BRSK1: variants seen among roughly 807,000 people sequenced by gnomAD.
The protein encoded by BRSK1 is BR serine/threonine kinase 1.
Under a neutral mutation model 86.2 loss-of-function variants are expected in BRSK1, and 17 were observed. That is an observed-to-expected ratio of 0.20 (90% CI 0.14 to 0.30). The LOEUF is 0.30. Among genes scored for constraint, BRSK1 ranks in the 10% least tolerant of loss-of-function variants. The probability of loss-of-function intolerance (pLI) is 1.00; values close to 1 mark genes in which losing one functional copy is unlikely to be tolerated. For missense variants in BRSK1, 719 were observed against 1,071.9 expected, an observed-to-expected ratio of 0.67 and a Z score of 4.60; for synonymous variants, 464 against 440.1, an observed-to-expected ratio of 1.05 and a Z score of -0.68.
chr19:55,306,583 C>T lies in BRSK1; in HGVS notation c.2089+133C>T. 1 of 1,016,164 alleles carries T rather than the reference C, an allele frequency of 9.8e-7. No individual in the cohort carries two copies. The highest frequency in any genetic ancestry group is 1.6e-5 in the African/African-American group (1 of 63,114). The allele number at this position is 1,016,164 out of a possible 1,614,324, so 62.9% of individuals were successfully genotyped here. ...CAGCTGGTGCCGACTCTCTGTGCTC[C>T]TCCTGCCCACACAGACCGCCCCACA... On this transcript the variant is annotated intron_variant, in intron 17 of 18. Coordinates refer to ENST00000309383, the MANE Select transcript of BRSK1 (RefSeq NM_032430.2). The surrounding 1 kb of genome is among the most constrained non-coding windows in gnomAD (Gnocchi z 4.7).
rs1047139673 is a variant in BRSK1, at chr19:55,308,560, G to A, written c.2090-79G>A. 4 of 1,013,028 alleles carry A rather than the reference G, an allele frequency of 3.9e-6. No individual in the cohort carries two copies. The Admixed American group carries it at 5.2e-5, about 13-fold the overall frequency. The allele number at this position is 1,013,028 out of a possible 1,614,324, so 62.8% of individuals were successfully genotyped here. On this transcript the variant is annotated intron_variant, in intron 17 of 18. Coordinates refer to ENST00000309383, the MANE Select transcript of BRSK1 (RefSeq NM_032430.2). ...GGGGGTGTTGTGTGCTTGGTGGAGG[G>A]ACTGGGTTCTGCAGGCTGGGACGGC...
intron 4 of BRSK1, among the ~76,000 whole-genome samples, chr19:55,293,021 G>C (rs2088431686): frequency 6.6e-6 from 1 of 151,808 alleles, no homozygotes; most frequent in Admixed American, 6.6e-5. Flanking sequence ...GCATACACTT[G>C]ATCTTAGCCA....
In BRSK1 at chr19:55,309,802, G is replaced by A. The variant is rs915700584; in HGVS notation, c.2179+1074G>A. ...GAGGTAGCCAGAATTCTCAAGGGAA[G>A]AGAGCGCCTGCCCTGGAAATCAGCC... On this transcript the variant is annotated intron_variant, in intron 18 of 18. Coordinates refer to ENST00000309383, the MANE Select transcript of BRSK1 (RefSeq NM_032430.2). Among the ~76,000 whole-genome samples the A allele has an allele frequency of 8.5e-5, 13 of 152,360 alleles. No homozygotes were observed. In the East Asian group the frequency reaches 1.3e-3, roughly 16 times the overall value.
intron 4 of BRSK1, 145 bp downstream of exon 4, chr19:55,289,765 T>A: frequency 9.1e-7 from 1 of 1,098,168 alleles, no homozygotes; most frequent in Non-Finnish European, 1.3e-6. Flanking sequence ...ACCAGAAAAT[T>A]CCTCCTTTTA....
chr19:55,306,107 C>A lies in BRSK1; in HGVS notation c.1891-145C>A. ...GGATAGAGAAAGCTACAAGTCCTTG[C>A]AGGCAGTGGGGCCTCCCAATGCATT... On this transcript the variant is annotated intron_variant, in intron 16 of 18. Coordinates refer to ENST00000309383, the MANE Select transcript of BRSK1 (RefSeq NM_032430.2). This position sits in a 1 kb window ranked among gnomAD's most constrained non-coding sequence, Gnocchi z 4.7. 1.4e-6 allele frequency: 1 copy of A among 740,094 alleles called. No homozygotes were observed. The highest frequency in any genetic ancestry group is 2.2e-6 in the Non-Finnish European group (1 of 453,916). 45.8% of individuals were successfully genotyped at this position (740,094 alleles called of 1,614,324 possible).
rs760333098 is a variant in BRSK1, at chr19:55,305,454, C to T, written c.1767-9C>T. On this transcript the variant is annotated splice_polypyrimidine_tract_variant and intron_variant, in intron 15 of 18. Transcript: ENST00000309383. ...CCTAACCCTCCTCCAACCACCCCCT[C>T]CCACTCAGGCTGGCAAAACGCTCCT... The T allele has an allele frequency of 6.2e-7, 1 of 1,614,164 alleles. No homozygotes were observed. The highest frequency in any genetic ancestry group is 1.7e-5 in the Admixed American group (1 of 60,024).
chr19:55,307,788 A>AC (rs1458252845), intron 17 of BRSK1, among the ~76,000 whole-genome samples: 63 of 97,872 alleles, frequency 6.4e-4, no homozygotes, highest in African/African-American at 2.1e-3. Flanking sequence ...ACACACACAC[A>AC]ATTTAAAAAA....
At chr19:55,311,756 C>T (rs866225039) in intron 18 of BRSK1, among the ~76,000 whole-genome samples, 155 bp from the exon 19 acceptor site, 4 of 152,150 alleles carry the variant, frequency 2.6e-5, no homozygotes, top group African/African-American at 7.2e-5. Context: ...AATTCAAGGC[C>T]AGGTGCTGGA....
chr19:55,294,176 G>C lies in BRSK1; in HGVS notation c.576-38G>C, dbSNP rs766761915. On this transcript the variant is annotated intron_variant, in intron 5 of 18. Transcript: ENST00000309383. This position sits in a 1 kb window ranked among gnomAD's most constrained non-coding sequence, Gnocchi z 4.9. The stretch of plus-strand genomic sequence containing the variant: ...TCCCGAGACCCTGGGCAGGGGTTTA[G>C]AAGCTGGCTGGAGGCTCACATCAGC... The C allele has an allele frequency of 1.8e-5, 29 of 1,611,818 alleles. No individual in the cohort carries two copies. The highest frequency in any genetic ancestry group is 2.4e-5 in the Non-Finnish European group (28 of 1,178,358).
At chr19:55,285,773 T>C (rs375765193) in intron 1 of BRSK1, among the ~76,000 whole-genome samples, 1 of 151,988 alleles carries the variant, frequency 6.6e-6, no homozygotes, top group East Asian at 1.9e-4. Flanking sequence ...CCAGAGTCTC[T>C]ATGAAGCTCA....
intron 7 of BRSK1, among the ~76,000 whole-genome samples, chr19:55,301,237 A>G (rs2088564857): frequency 6.6e-6 from 1 of 152,204 alleles, no homozygotes; most frequent in African/African-American, 2.4e-5. Flanking sequence ...TGAGTGAATG[A>G]GAGACAACCG....
Position 55,311,922 on chromosome 19 carries a change from G to T in BRSK1, c.2191G>T (p.Gly731Trp), listed in dbSNP as rs1351923748. 1.2e-6 allele frequency: 2 copies of T among 1,611,694 alleles called. No homozygotes were observed. Among genetic ancestry groups the T allele is most frequent in the Non-Finnish European group, 1.7e-6 (2 of 1,179,204 alleles). The change falls in exon 19 of 19, where the codon GGG becomes TGG. Residue 731 changes from glycine (G) to tryptophan (W), a missense_variant. Physicochemically the swap from Gly to Trp is radical, Grantham distance 184. Around this residue, in one of 6 missense-constraint regions of BRSK1, gnomAD observed 82 missense variants for 72.6 expected, o/e 1.13. Transcript: ENST00000309383. ...TTCCTCCCTTGCAGACGAGAAGAAC[G>T]GGGCCCAGACCCGGCCTGCTGGTGC... ...SVQALADEKNGAQTRPAGAPP... is the reference protein window; with the variant it reads ...SVQALADEKNWAQTRPAGAPP...
Position 55,294,503 on chromosome 19 carries a change from T to C in BRSK1, c.678+106T>C, listed in dbSNP as rs1044879646. On this transcript the variant is annotated intron_variant, in intron 7 of 18. Coordinates refer to ENST00000309383, the MANE Select transcript of BRSK1 (RefSeq NM_032430.2). This position sits in a 1 kb window ranked among gnomAD's most constrained non-coding sequence, Gnocchi z 4.9. ...GTCATCTCCTGAATTTATTTATGAA[T>C]TTTATTTATTTATTTTGAGACAGAG... 5.3e-6 allele frequency: 7 copies of C among 1,331,322 alleles called. No homozygotes were observed. In the African/African-American group the frequency reaches 5.9e-5, roughly 11 times the overall value. 82.5% of individuals were successfully genotyped at this position (1,331,322 alleles called of 1,614,324 possible). A position where few individuals can be genotyped will look rare whatever the true frequency, so the allele number is the denominator to read the frequency against.
intron 7 of BRSK1, among the ~76,000 whole-genome samples, chr19:55,297,504 C>G (rs1166892498): frequency 6.6e-6 from 1 of 152,226 alleles, no homozygotes; most frequent in Non-Finnish European, 1.5e-5. Flanking sequence ...AGTCCTTGGT[C>G]TCTTAACCAC....
At chr19:55,295,598 C>A (rs1468683927) in intron 7 of BRSK1, among the ~76,000 whole-genome samples, 1 of 152,210 alleles carries the variant, frequency 6.6e-6, no homozygotes. Context: ...AGGAACAAGT[C>A]ATCCAGGAGC....
At position 55,304,724 on chromosome 19, in the gene BRSK1, C is replaced by T. The variant is rs1247012386; in HGVS notation, c.1521C>T (p.Gly507=). The change falls in exon 14 of 19, where the codon GGC becomes GGT. Residue 507 remains glycine (G), a synonymous_variant. Transcript: ENST00000309383. This position sits in a 1 kb window ranked among gnomAD's most constrained non-coding sequence, Gnocchi z 5.2. Reference sequence around the variant, plus strand: ...CCACACCCCTGCCCGGCCCCCCAGGCTCCCCGCGCTCCTCTGGCGGGACCC... The same window carrying T: ...CCACACCCCTGCCCGGCCCCCCAGGTTCCCCGCGCTCCTCTGGCGGGACCC... ...ARSTPLPGPP[G]SPRSSGGTPL... The T allele has an allele frequency of 2.4e-5, 37 of 1,512,864 alleles. No homozygotes were observed. The Admixed American group carries it at 7.9e-4, about 32-fold the overall frequency. 93.7% of individuals were successfully genotyped at this position (1,512,864 alleles called of 1,614,324 possible).
rs769343476 is a variant in BRSK1 at position 55,287,208 on chromosome 19, C to T, written c.232-6C>T. 6.8e-6 allele frequency: 11 copies of T among 1,613,890 alleles called. No homozygotes were observed. The highest frequency in any genetic ancestry group is 1.6e-4 in the Middle Eastern group (1 of 6,082). ...TTCCCGTGTCCCCACCCCTCTTGACCCTCAGGTGGAGCGGGAGATCGCCAT... is the reference window on the plus strand; with the variant it reads ...TTCCCGTGTCCCCACCCCTCTTGACTCTCAGGTGGAGCGGGAGATCGCCAT... On this transcript the variant is annotated splice_polypyrimidine_tract_variant and splice_region_variant and intron_variant, in intron 2 of 18. Transcript: ENST00000309383. The surrounding 1 kb of genome is among the most constrained non-coding windows in gnomAD (Gnocchi z 5.3).
chr19:55,297,490 G>T lies in BRSK1; in HGVS notation c.678+3093G>T, dbSNP rs982482838. Among the ~76,000 whole-genome samples the T allele has an allele frequency of 2.6e-5, 4 of 152,180 alleles. No homozygotes were observed. The East Asian group carries it at 7.7e-4, about 29-fold the overall frequency. On this transcript the variant is annotated intron_variant, in intron 7 of 18. Coordinates refer to ENST00000309383, the MANE Select transcript of BRSK1 (RefSeq NM_032430.2). ...CGCAGCTGATAAGCCGCAGGCCTGGGGTCAGTCCTTGGTCTCTTAACCACC... is the reference window on the plus strand; with the variant it reads ...CGCAGCTGATAAGCCGCAGGCCTGGTGTCAGTCCTTGGTCTCTTAACCACC...
At position 55,287,139 on chromosome 19, in the gene BRSK1, G is replaced by A; in HGVS notation, c.231+38G>A. The A allele has an allele frequency of 1.2e-6, 2 of 1,612,390 alleles. No individual in the cohort carries two copies. Among genetic ancestry groups the A allele is most frequent in the South Asian group, 1.1e-5 (1 of 91,022 alleles). On this transcript the variant is annotated intron_variant, in intron 2 of 18. Coordinates refer to ENST00000309383, the MANE Select transcript of BRSK1 (RefSeq NM_032430.2). This position sits in a 1 kb window ranked among gnomAD's most constrained non-coding sequence, Gnocchi z 5.3. ...GCTGCAGTGTGCCTGCGGGTGGGGG[G>A]GCCTCCGGGGCTGAGGGCAGGGGCG...
Sources: allele counts gnomAD v4.1 joint callset (sites outside exome capture counted in the v4.1 genomes callset), GRCh38; gene constraint gnomAD v4.1.1; regional missense constraint gnomAD v4.1.1; non-coding constraint Gnocchi (gnomAD v3.1); transcripts MANE v1.5; gene names NCBI Gene and HGNC (gene_info 2026-07-23, HGNC 2026-07-21).